Variants in CADPS observed in about 807,000 individuals in gnomAD.
CADPS encodes calcium-dependent secretion activator 1.
In CADPS, 57 loss-of-function variants were observed where a neutral mutation model predicts 167.3. The observed-to-expected ratio is 0.34, with a 90% CI of 0.28 to 0.42. The LOEUF is 0.42. Ranked by LOEUF, CADPS falls within the 20% of genes least tolerant of loss-of-function variation. The probability of loss-of-function intolerance (pLI) is 1.00; values close to 1 mark genes in which losing one functional copy is unlikely to be tolerated. For synonymous variants in CADPS, 676 were observed against 635.3 expected (o/e 1.06, Z -0.96); for missense variants, 1,414 against 1,738.1 (o/e 0.81, Z 3.32).
chr3:62,572,223 A>G (rs978099851), intron 8 of CADPS, among the ~76,000 whole-genome samples: 1 of 152,170 alleles, frequency 6.6e-6, no homozygotes, highest in South Asian at 2.1e-4. Context: ...CAGATCTTCA[A>G]GCCAGAAACC....
intron 1 of CADPS, among the ~76,000 whole-genome samples, chr3:62,817,355 G>C (rs1328359329): frequency 6.6e-6 from 1 of 152,012 alleles, no homozygotes; most frequent in East Asian, 1.9e-4. Context: ...AAGAGGGAAG[G>C]GTCTCTGCAT....
At chr3:62,508,184 G>A (rs1281365493) in intron 17 of CADPS, among the ~76,000 whole-genome samples, 1 of 152,194 alleles carries the variant, frequency 6.6e-6, no homozygotes, top group African/African-American at 2.4e-5. Context: ...TGTGGATAGG[G>A]CCGTTATATC....
intron 27 of CADPS, chr3:62,440,014 A>G (rs1489678105): frequency 6.6e-6 from 1 of 152,142 alleles, no homozygotes; most frequent in Non-Finnish European, 1.5e-5. Flanking sequence ...TCTTTTTCCA[A>G]TAGCACTTAC....
At chr3:62,624,778 C>T (rs2063753695) in intron 6 of CADPS, among the ~76,000 whole-genome samples, 1 of 152,046 alleles carries the variant, frequency 6.6e-6, no homozygotes, top group Non-Finnish European at 1.5e-5. Flanking sequence ...CAGAATTGTT[C>T]TGAGGTGGGG....
Position 62,539,636 on chromosome 3 carries a change from C to T in CADPS, c.1967-3055G>A, listed in dbSNP as rs890640349. Among the ~76,000 whole-genome samples the T allele has an allele frequency of 2.0e-5, 3 of 151,948 alleles. No individual in the cohort carries two copies. The East Asian group carries it at 5.8e-4, about 29-fold the overall frequency. Reference sequence around the variant, plus strand: ...GGGGTTTCGGTATTTTTTGTTTGTGCTACATTCCCAGCCCTAGAATAGTAC... The same window carrying T: ...GGGGTTTCGGTATTTTTTGTTTGTGTTACATTCCCAGCCCTAGAATAGTAC... On this transcript the variant is annotated intron_variant, in intron 11 of 29. Transcript: ENST00000383710.
intron 6 of CADPS, among the ~76,000 whole-genome samples, chr3:62,630,462 C>T (rs2065067542): frequency 6.6e-6 from 1 of 152,092 alleles, no homozygotes; most frequent in Admixed American, 6.5e-5. Context: ...CATTCTTGTG[C>T]CTTAGCCTCC....
chr3:62,642,911 A>G (rs572716276), intron 6 of CADPS, among the ~76,000 whole-genome samples: 2 of 139,368 alleles, frequency 1.4e-5, no homozygotes, highest in African/African-American at 5.4e-5. Context: ...ACCCTATCTC[A>G]AAAGACAAAA....
intron 1 of CADPS, among the ~76,000 whole-genome samples, chr3:62,769,646 C>A (rs2087992955): frequency 6.6e-6 from 1 of 152,124 alleles, no homozygotes. Context: ...TCCAGACTCC[C>A]CAGGTGGAGG....
At position 62,874,293 on chromosome 3, in the gene CADPS, A is replaced by C. The variant is rs1332572098; in HGVS notation, c.441+296T>G. Among the ~76,000 whole-genome samples the C allele has an allele frequency of 6.6e-6, 1 of 152,082 alleles. No individual in the cohort carries two copies. The highest frequency in any genetic ancestry group is 1.5e-5 in the Non-Finnish European group (1 of 67,992). ...CACTCCCCGAGCCTCTCGGTCCACA[A>C]AGCGGGACCTGCCTGCCTCGCTCAC... On this transcript the variant is annotated intron_variant, in intron 1 of 29. Coordinates refer to ENST00000383710, the MANE Select transcript of CADPS (RefSeq NM_003716.4). This position sits in a 1 kb window ranked among gnomAD's most constrained non-coding sequence, Gnocchi z 7.1.
At chr3:62,842,812 T>A (rs2076836945) in intron 1 of CADPS, among the ~76,000 whole-genome samples, 1 of 152,216 alleles carries the variant, frequency 6.6e-6, no homozygotes, top group Admixed American at 6.5e-5. Context: ...TGCTGAATGA[T>A]GCTTCAAATT....
At chr3:62,509,324 G>T (rs1031205522) in intron 17 of CADPS, among the ~76,000 whole-genome samples, 22 of 112,378 alleles carry the variant, frequency 2.0e-4, no homozygotes, top group South Asian at 1.3e-3. Flanking sequence ...AAGAAAGAAA[G>T]AAATAAAAGA....
chr3:62,478,057 G>A lies in CADPS; in HGVS notation c.3329+204C>T. On this transcript the variant is annotated intron_variant, in intron 23 of 29. Coordinates refer to ENST00000383710, the MANE Select transcript of CADPS (RefSeq NM_003716.4). The surrounding 1 kb of genome is among the most constrained non-coding windows in gnomAD (Gnocchi z 5.7). ...ACAACCATGAAAAAATTGGCAGCCA[G>A]ATTATTTTGGGTTTGGGACAGATGG... The A allele has an allele frequency of 1.9e-6, 1 of 539,138 alleles. No individual in the cohort carries two copies. The highest frequency in any genetic ancestry group is 2.9e-5 in the East Asian group (1 of 34,432). 33.4% of individuals were successfully genotyped at this position (539,138 alleles called of 1,614,324 possible). A position where few individuals can be genotyped will look rare whatever the true frequency, so the allele number is the denominator to read the frequency against.
chr3:62,440,516 T>C (rs1208581110), intron 27 of CADPS: 4 of 134,842 alleles, frequency 3.0e-5, no homozygotes, highest in African/African-American at 8.3e-5. Flanking sequence ...CCCATAATAT[T>C]ATACCATTCC....
intron 6 of CADPS, among the ~76,000 whole-genome samples, chr3:62,624,820 C>A (rs183315282): frequency 2.0e-4 from 25 of 122,802 alleles, no homozygotes; most frequent in African/African-American, 7.4e-4. Flanking sequence ...TTCTCTATGG[C>A]CCCACCTCCA....
At chr3:62,693,597 T>C (rs1382471250) in intron 3 of CADPS, among the ~76,000 whole-genome samples, 3 of 151,580 alleles carry the variant, frequency 2.0e-5, no homozygotes, top group African/African-American at 7.3e-5. Context: ...ACCTGGGCAA[T>C]ATGGTGAAAC....
At chr3:62,539,531 A>T (rs1409351844) in intron 11 of CADPS, among the ~76,000 whole-genome samples, 1 of 152,046 alleles carries the variant, frequency 6.6e-6, no homozygotes, top group African/African-American at 2.4e-5. Flanking sequence ...GTTATAAAAA[A>T]AAAAAGAAGG....
At chr3:62,495,920 G>A (rs1054512312) in intron 18 of CADPS, among the ~76,000 whole-genome samples, 6 of 152,042 alleles carry the variant, frequency 3.9e-5, no homozygotes, top group African/African-American at 7.2e-5. Context: ...ACTTTATCTT[G>A]GAATTTAAAA....
rs2068933262 is a variant in CADPS at position 62,516,155 on chromosome 3, C to T, written c.2485G>A (p.Val829Met). 6.2e-7 allele frequency: 1 copy of T among 1,613,192 alleles called. No individual in the cohort carries two copies. The highest frequency in any genetic ancestry group is 1.3e-5 in the African/African-American group (1 of 74,996). ...ACTGTTTTTACCTCCTCTTGTGGCA[C>T]TGGGGTAACAATATCTTTCATCAAA... ...RVLMKDIVTP[V>M]PQEEVKTVIR... The change falls in exon 16 of 30, where the codon GTG (valine) becomes ATG (methionine). Residue 829 changes from valine to methionine, a missense_variant. Physicochemically the swap from Val to Met is conservative, Grantham distance 21. Transcript: ENST00000383710.
intron 3 of CADPS, among the ~76,000 whole-genome samples, chr3:62,716,839 C>G (rs2084750219): frequency 6.6e-6 from 1 of 152,170 alleles, no homozygotes. Flanking sequence ...GCTAGTGTTC[C>G]TATCCCAAAT....
Sources: gnomAD v4.1 joint callset for allele counts (sites outside exome capture counted in the v4.1 genomes callset) on GRCh38, gnomAD v4.1.1 for gene constraint, Gnocchi (gnomAD v3.1) non-coding constraint, MANE v1.5 for transcripts, NCBI Gene and HGNC (gene_info 2026-07-23, HGNC 2026-07-21) for gene names.